The following NUDT17 variants were observed in gnomAD, a reference collection of about 807,000 sequenced individuals.
The protein encoded by NUDT17 is nudix hydrolase 17.
In NUDT17, 38 loss-of-function variants were observed where a neutral mutation model predicts 38.6. That is an observed-to-expected ratio of 0.98 (90% CI 0.76 to 1.29). The LOEUF (loss-of-function observed/expected upper bound fraction) is 1.29. NUDT17 is among the 50% of genes most tolerant of loss of function. The probability of loss-of-function intolerance (pLI) is 0.00; values close to 1 mark genes in which losing one functional copy is unlikely to be tolerated. For synonymous variants in NUDT17, 192 were observed against 167.8 expected (o/e 1.14, Z -1.11); for missense variants, 462 against 415.2 (o/e 1.11, Z -0.98).
intron 6 of NUDT17, among the ~76,000 whole-genome samples, 165 bp from the exon 7 acceptor site, chr1:145,847,947 A>C (rs782377060): frequency 2.0e-5 from 3 of 152,186 alleles, no homozygotes; most frequent in Non-Finnish European, 2.9e-5. Flanking sequence ...CAGTTCTAAC[A>C]CAGGGGCAAG....
chr1:145,847,194 T>TAA (rs782031890), intron 4 of NUDT17, 56 bp from the exon 5 acceptor site: 5,111 of 909,666 alleles, frequency 5.6e-3, no homozygotes, highest in Non-Finnish European at 6.4e-3. Flanking sequence ...AACTCCATCT[T>TAA]AAAAAAAAAA....
At chr1:145,847,175 CAA>C in intron 4 of NUDT17, 73 bp from the exon 5 acceptor site, 2 of 852,414 alleles carry the variant, frequency 2.3e-6, no homozygotes, top group South Asian at 1.6e-5. Context: ...GCCTGGGCGA[CAA>C]GAGCGAAACT....
intron 6 of NUDT17, among the ~76,000 whole-genome samples, 175 bp downstream of exon 6, chr1:145,847,894 A>T (rs1475284370): frequency 6.6e-6 from 1 of 152,148 alleles, no homozygotes; most frequent in Non-Finnish European, 1.5e-5. Flanking sequence ...ATCAAACCCC[A>T]AAGATTCTTG....
chr1:145,848,015 C>A, intron 6 of NUDT17, 97 bp from the exon 7 acceptor site: 1 of 1,385,010 alleles, frequency 7.2e-7, no homozygotes, highest in South Asian at 1.2e-5. Flanking sequence ...CACCCACCCA[C>A]CTCCTGTGGT....
intron 7 of NUDT17, 34 bp from the exon 8 acceptor site, chr1:145,848,343 G>A (rs782321347): frequency 2.1e-5 from 34 of 1,612,708 alleles, no homozygotes; most frequent in African/African-American, 2.7e-5. Context: ...GGGGAAAGCA[G>A]GAAAGGACAA....
chr1:145,848,596 G>C lies in NUDT17; in HGVS notation c.*117G>C. ...AATAAAAAGTAAAATTACAACATAG[G>C]TCCTAGGCCTTGGCGAGCCTGAAAA... On this transcript the variant is annotated 3_prime_UTR_variant, in exon 8 of 8. Transcript: ENST00000334513. The C allele has an allele frequency of 1.3e-6, 1 of 766,648 alleles. No individual in the cohort carries two copies. Among genetic ancestry groups the C allele is most frequent in the Non-Finnish European group, 2.1e-6 (1 of 465,636 alleles). 47.5% of individuals were successfully genotyped at this position (766,648 alleles called of 1,614,324 possible). A position where few individuals can be genotyped will look rare whatever the true frequency, so the allele number is the denominator to read the frequency against.
Position 145,848,215 on chromosome 1 carries a change from A to T in NUDT17, c.835A>T (p.Ser279Cys). The T allele has an allele frequency of 3.1e-6, 5 of 1,614,248 alleles. No individual in the cohort carries two copies. The highest frequency in any genetic ancestry group is 4.2e-6 in the Non-Finnish European group (5 of 1,180,040). The stretch of plus-strand genomic sequence containing the variant: ...CATGGCAGAGGACAAAGAGAGAGTC[A>T]GCACTGGAACCAAGTTTGCCCTCAA... ...PTMAEDKERV[S>C]TGTKFALKLW... Residue 279 changes from serine to cysteine, a missense_variant, in exon 7 of 8, where the codon AGC becomes TGC. Transcript: ENST00000334513.
In NUDT17 at chr1:145,848,156, T is replaced by C; in HGVS notation, c.776T>C (p.Leu259Pro). 1.2e-6 allele frequency: 2 copies of C among 1,614,174 alleles called. No individual in the cohort carries two copies. The highest frequency in any genetic ancestry group is 1.7e-6 in the Non-Finnish European group (2 of 1,180,014). ...EEDGRARPLV[L>P]HMSTLLRMIP... ...GATGGAAGAGCCCGACCTCTGGTCCTGCACATGTCCACCCTCCTGCGGATG... is the reference window on the plus strand; with the variant it reads ...GATGGAAGAGCCCGACCTCTGGTCCCGCACATGTCCACCCTCCTGCGGATG... Residue 259 changes from leucine to proline, a missense_variant, in exon 7 of 8, where the codon CTG (leucine) becomes CCG (proline). Leu to Pro is a moderately conservative substitution (Grantham distance 98, BLOSUM62 -3). Transcript: ENST00000334513.
Position 145,848,147 on chromosome 1 carries a change from C to T in NUDT17, c.767C>T (p.Pro256Leu). The T allele has an allele frequency of 6.2e-7, 1 of 1,614,096 alleles. No homozygotes were observed. The highest frequency in any genetic ancestry group is 8.5e-7 in the Non-Finnish European group (1 of 1,179,972). The change falls in exon 7 of 8, where the codon CCT becomes CTT. Residue 256 changes from proline to leucine, a missense_variant. Pro to Leu is a moderately conservative substitution (Grantham distance 98, BLOSUM62 -3). Transcript: ENST00000334513. ...VELEEDGRAR[P>L]LVLHMSTLLR... ...CTAGAGGAGGATGGAAGAGCCCGAC[C>T]TCTGGTCCTGCACATGTCCACCCTC...
chr1:145,847,948 C>T (rs1230225433), intron 6 of NUDT17, among the ~76,000 whole-genome samples, 164 bp from the exon 7 acceptor site: 3 of 152,186 alleles, frequency 2.0e-5, no homozygotes, highest in Non-Finnish European at 4.4e-5. Context: ...AGTTCTAACA[C>T]AGGGGCAAGT....
At chr1:145,846,736 C>A in intron 4 of NUDT17, 46 bp downstream of exon 4, 1 of 1,302,254 alleles carries the variant, frequency 7.7e-7, no homozygotes, top group Non-Finnish European at 1.1e-6. Flanking sequence ...TCAGCCCCTA[C>A]CTGCCTTGGC....
chr1:145,848,512 G>A lies in NUDT17; in HGVS notation c.*33G>A. On this transcript the variant is annotated 3_prime_UTR_variant, in exon 8 of 8. Transcript: ENST00000334513. ...AATCCCCTCCCTAGCCCATCTCCAT[G>A]ACACTCACAGAACATTCACAACCTT... 7.1e-7 allele frequency: 1 copy of A among 1,404,196 alleles called. No homozygotes were observed. Among genetic ancestry groups the A allele is most frequent in the Non-Finnish European group, 1.0e-6 (1 of 997,114 alleles). The allele number at this position is 1,404,196 out of a possible 1,614,324, so 87.0% of individuals were successfully genotyped here.
chr1:145,848,020 T>C, intron 6 of NUDT17, 92 bp from the exon 7 acceptor site: 2 of 1,412,330 alleles, frequency 1.4e-6, no homozygotes, highest in Non-Finnish European at 9.9e-7. Context: ...ACCCACCTCC[T>C]GTGGTAGTTG....
At chr1:145,847,976 A>G in intron 6 of NUDT17, 136 bp from the exon 7 acceptor site, 1 of 1,008,320 alleles carries the variant, frequency 9.9e-7, no homozygotes, top group Non-Finnish European at 1.5e-6. Context: ...CCCTCCTTGA[A>G]CCTGTTTCCT....
chr1:145,847,486 TCCTG>T (rs1553732869), intron 5 of NUDT17, 93 bp from the exon 6 acceptor site: 3 of 1,538,416 alleles, frequency 2.0e-6, no homozygotes, highest in Non-Finnish European at 2.7e-6. Flanking sequence ...TTCCCCTTGC[TCCTG>T]CCTTTCTCCA....
Position 145,848,152 on chromosome 1 carries a change from G to C in NUDT17, c.772G>C (p.Val258Leu), listed in dbSNP as rs781960772. 2 of 1,614,110 alleles carry C rather than the reference G, an allele frequency of 1.2e-6. No individual in the cohort carries two copies. The highest frequency in any genetic ancestry group is 1.1e-5 in the South Asian group (1 of 91,078). Residue 258 changes from valine to leucine, a missense_variant, in exon 7 of 8, where the codon GTC (valine) becomes CTC (leucine). Physicochemically the swap from Val to Leu is conservative, Grantham distance 32. Transcript: ENST00000334513. ...GGAGGATGGAAGAGCCCGACCTCTGGTCCTGCACATGTCCACCCTCCTGCG... is the reference window on the plus strand; with the variant it reads ...GGAGGATGGAAGAGCCCGACCTCTGCTCCTGCACATGTCCACCCTCCTGCG... ...LEEDGRARPL[V>L]LHMSTLLRMI...
In NUDT17 at chr1:145,845,654, G is replaced by A; in HGVS notation, c.14G>A (p.Arg5Gln). The A allele has an allele frequency of 1.3e-6, 2 of 1,521,492 alleles. No individual in the cohort carries two copies. Among genetic ancestry groups the A allele is most frequent in the Non-Finnish European group, 8.9e-7 (1 of 1,126,266 alleles). 94.2% of individuals were successfully genotyped at this position (1,521,492 alleles called of 1,614,324 possible). MAEV[R>Q]VQLLLSRRPE... is the part of the protein sequence containing the mutation. ...CAGAGTCGCGTTATGGCCGAGGTGC[G>A]GGTGCAGCTGCTCCTGTCCCGGCGT... The change falls in exon 1 of 8, where the codon CGG becomes CAG. Residue 5 changes from arginine (R) to glutamine (Q), a missense_variant. Physicochemically the swap from Arg to Gln is conservative, Grantham distance 43 (BLOSUM62 1). Transcript: ENST00000334513.
chr1:145,846,731 C>T, intron 4 of NUDT17, 41 bp downstream of exon 4: 1 of 1,349,870 alleles, frequency 7.4e-7, no homozygotes, highest in Non-Finnish European at 1.1e-6. Flanking sequence ...ATAGATCAGC[C>T]CCTACCTGCC....
intron 1 of NUDT17, 87 bp from the exon 2 acceptor site, chr1:145,845,926 A>G: frequency 6.6e-7 from 1 of 1,522,780 alleles, no homozygotes; most frequent in South Asian, 1.2e-5. Flanking sequence ...CCCGCCCCCA[A>G]CGCGCGGTGT....
Sources: gnomAD v4.1 joint callset for allele counts (sites outside exome capture counted in the v4.1 genomes callset) on GRCh38, gnomAD v4.1.1 for gene constraint, MANE v1.5 for transcripts, NCBI Gene and HGNC (gene_info 2026-07-23, HGNC 2026-07-21) for gene names.